WSCD1: variants seen among roughly 807,000 people sequenced by gnomAD.
WSCD1 encodes the protein sialate:O-sulfotransferase 1.
Under a neutral mutation model 60.4 loss-of-function variants are expected in WSCD1, and 41 were observed. The ratio of observed to expected loss-of-function variants is 0.68; its 90% confidence interval spans 0.53 to 0.88. The LOEUF (loss-of-function observed/expected upper bound fraction) is 0.88, where lower values mean the gene tolerates loss of function less well. Ranked by LOEUF, WSCD1 falls within the 40% of genes least tolerant of loss-of-function variation. WSCD1 has a pLI of 0.00. For missense variants in WSCD1, 784 were observed against 796.2 expected (o/e 0.98, Z 0.18); for synonymous variants, 361 against 332.5 (o/e 1.09, Z -0.93).
In WSCD1 at chr17:6,080,438, G is replaced by T; in HGVS notation, c.-221G>T. 1 of 566,758 alleles carries T rather than the reference G, an allele frequency of 1.8e-6. No individual in the cohort carries two copies. The highest frequency in any genetic ancestry group is 2.3e-5 in the South Asian group (1 of 42,816). 35.1% of individuals were successfully genotyped at this position (566,758 alleles called of 1,614,324 possible). A position where few individuals can be genotyped will look rare whatever the true frequency, so the allele number is the denominator to read the frequency against. ...GAGATGTCCTTGACGCCTGGGCAGAGGCTGCAGCTGCAGGACCCTGTGGCC... is the reference window on the plus strand; with the variant it reads ...GAGATGTCCTTGACGCCTGGGCAGATGCTGCAGCTGCAGGACCCTGTGGCC... On this transcript the variant is annotated 5_prime_UTR_variant, in exon 2 of 9. The change creates a new upstream start codon in the 5' untranslated region. Coordinates refer to ENST00000317744, the MANE Select transcript of WSCD1 (RefSeq NM_015253.2). This position sits in a 1 kb window ranked among gnomAD's most constrained non-coding sequence, Gnocchi z 6.6.
At chr17:6,113,640 A>G (rs532521644) in intron 7 of WSCD1, among the ~76,000 whole-genome samples, 69 of 152,234 alleles carry the variant, frequency 4.5e-4, no homozygotes, top group African/African-American at 1.7e-3. Flanking sequence ...GGAACTCAAC[A>G]ACAAAAACCC....
intron 5 of WSCD1, among the ~76,000 whole-genome samples, chr17:6,107,813 C>T (rs568589926): frequency 2.0e-5 from 3 of 152,196 alleles, no homozygotes; most frequent in Admixed American, 1.3e-4. Context: ...TTCACATGAC[C>T]GGGGAAACTT....
intron 5 of WSCD1, among the ~76,000 whole-genome samples, chr17:6,103,742 G>A (rs373415287): frequency 6.6e-6 from 1 of 152,302 alleles, no homozygotes; most frequent in South Asian, 2.1e-4. Flanking sequence ...AAAAGTGAAT[G>A]CTGTGGGGGT....
chr17:6,079,342 C>T (rs1909077265), intron 1 of WSCD1, among the ~76,000 whole-genome samples: 1 of 152,184 alleles, frequency 6.6e-6, no homozygotes, highest in Admixed American at 6.5e-5. Flanking sequence ...ATAAGCCTGT[C>T]CTTGTGCTAA....
intron 5 of WSCD1, among the ~76,000 whole-genome samples, chr17:6,098,839 C>G (rs943769310): frequency 2.0e-5 from 3 of 152,198 alleles, no homozygotes; most frequent in African/African-American, 4.8e-5. Flanking sequence ...GCAGGTGACT[C>G]TCACTGGTGG....
intron 1 of WSCD1, chr17:6,071,036 C>T (rs1908511620): frequency 6.6e-6 from 1 of 152,172 alleles, no homozygotes; most frequent in Non-Finnish European, 1.5e-5. Flanking sequence ...GGGGTGCGCA[C>T]AGCTTCCCTC....
Position 6,118,098 on chromosome 17 carries a change from C to A in WSCD1, c.1285C>A (p.Arg429=). Residue 429 remains arginine, a synonymous_variant, in exon 8 of 9, where the codon CGG becomes AGG. Transcript: ENST00000317744. The surrounding 1 kb of genome is among the most constrained non-coding windows in gnomAD (Gnocchi z 5.8). ...EMFDSAILLI[R]NPYRSLVAEF... ...GTTTGATTCAGCCATCCTGCTAATC[C>A]GGAACCCATACAGGTCCCTGGTGGC... The A allele has an allele frequency of 1.2e-6, 2 of 1,614,152 alleles. No individual in the cohort carries two copies. Among genetic ancestry groups the A allele is most frequent in the South Asian group, 1.1e-5 (1 of 91,078 alleles).
At chr17:6,077,316 T>C (rs977919142) in intron 1 of WSCD1, among the ~76,000 whole-genome samples, 5 of 152,118 alleles carry the variant, frequency 3.3e-5, no homozygotes, top group African/African-American at 1.2e-4. Flanking sequence ...CTCCATCTCT[T>C]GACCTTGTGA....
chr17:6,094,680 GGGAAGGAAGGAAGGAA>G (rs901036031), intron 4 of WSCD1, among the ~76,000 whole-genome samples: 1 of 146,576 alleles, frequency 6.8e-6, no homozygotes, highest in African/African-American at 2.5e-5. Flanking sequence ...AAGCAAGAGA[GGGAAGGAAGGAAGGAA>G]GGAAGGGAGA....
At chr17:6,084,960 C>G (rs1367824695) in intron 2 of WSCD1, 1 of 152,206 alleles carries the variant, frequency 6.6e-6, no homozygotes, top group Non-Finnish European at 1.5e-5. Flanking sequence ...CAGCCAGGCC[C>G]GGGCTCGCCC....
chr17:6,079,704 C>T (rs926827571), intron 1 of WSCD1, among the ~76,000 whole-genome samples: 4 of 152,214 alleles, frequency 2.6e-5, no homozygotes, highest in Non-Finnish European at 4.4e-5. Flanking sequence ...AACCCAGGCT[C>T]ACAGTTCCAG....
chr17:6,087,757 G>T (rs1225980925), intron 2 of WSCD1, among the ~76,000 whole-genome samples: 4 of 152,208 alleles, frequency 2.6e-5, no homozygotes, highest in Non-Finnish European at 4.4e-5. Context: ...GAGCCGTCAG[G>T]GTGGACAGTG....
At chr17:6,091,879 G>T (rs780287476) in intron 4 of WSCD1, among the ~76,000 whole-genome samples, 1 of 152,166 alleles carries the variant, frequency 6.6e-6, no homozygotes, top group African/African-American at 2.4e-5. Context: ...TGGAACAGCC[G>T]GGCGCGGTGG....
rs996519907 is a variant in WSCD1, at chr17:6,118,594, G to A, written c.1375+406G>A. ...CACCTTCCTCTGTGTTCAGCACCAG[G>A]TTCCTCTTTTATAGAATGAGACCTG... On this transcript the variant is annotated intron_variant, in intron 8 of 8. Transcript: ENST00000317744. The surrounding 1 kb of genome is among the most constrained non-coding windows in gnomAD (Gnocchi z 5.8). 6.6e-6 allele frequency among the ~76,000 whole-genome samples: 1 copy of A among 152,204 alleles called. No individual in the cohort carries two copies. Among genetic ancestry groups the A allele is most frequent in the African/African-American group, 2.4e-5 (1 of 41,440 alleles).
In WSCD1 at chr17:6,072,166, G is replaced by A. The variant is rs545119734; in HGVS notation, c.-289+1514G>A. Among the ~76,000 whole-genome samples the A allele has an allele frequency of 3.3e-5, 5 of 152,382 alleles. No homozygotes were observed. In the South Asian group the frequency reaches 1.0e-3, roughly 32 times the overall value. On this transcript the variant is annotated intron_variant, in intron 1 of 8. Coordinates refer to ENST00000317744, the MANE Select transcript of WSCD1 (RefSeq NM_015253.2). ...GTGCCCTATGGGGTACTGCCCTGTG[G>A]CCTGTGGCATGTCTGGTTGGAAGTG...
intron 3 of WSCD1, among the ~76,000 whole-genome samples, 172 bp downstream of exon 3, chr17:6,088,276 C>T (rs549681070): frequency 1.3e-5 from 2 of 152,154 alleles, no homozygotes; most frequent in Admixed American, 1.3e-4. Context: ...GACCTGGGTG[C>T]CGGGAGCTGG....
At chr17:6,098,567 T>A (rs970284900) in intron 5 of WSCD1, among the ~76,000 whole-genome samples, 3 of 152,172 alleles carry the variant, frequency 2.0e-5, no homozygotes, top group African/African-American at 7.2e-5. Flanking sequence ...CATCCAGGTT[T>A]CTCAGAAACA....
intron 2 of WSCD1, among the ~76,000 whole-genome samples, chr17:6,081,448 T>C (rs1487815174): frequency 6.6e-6 from 1 of 152,094 alleles, no homozygotes; most frequent in South Asian, 2.1e-4. Context: ...CAGTGGCTCA[T>C]GCCTGTAATC....
At chr17:6,094,265 A>G (rs1910244466) in intron 4 of WSCD1, among the ~76,000 whole-genome samples, 3 of 152,178 alleles carry the variant, frequency 2.0e-5, no homozygotes, top group African/African-American at 7.2e-5. Flanking sequence ...GAGGCTTGGC[A>G]GGAGGCTTCT....
Sources: gnomAD v4.1 joint callset for allele counts (sites outside exome capture counted in the v4.1 genomes callset) on GRCh38, gnomAD v4.1.1 for gene constraint, Gnocchi (gnomAD v3.1) non-coding constraint, MANE v1.5 for transcripts, NCBI Gene and HGNC (gene_info 2026-07-23, HGNC 2026-07-21) for gene names.